Variants in FAM135B observed in about 807,000 individuals in gnomAD.
FAM135B encodes protein FAM135B.
Under a neutral mutation model 127.7 loss-of-function variants are expected in FAM135B, and 43 were observed. The observed-to-expected ratio is 0.34, with a 90% CI of 0.26 to 0.43. The LOEUF (loss-of-function observed/expected upper bound fraction) is 0.43. Among genes scored for constraint, FAM135B ranks in the 20% least tolerant of loss-of-function variants. The pLI, the probability that FAM135B is intolerant of heterozygous loss-of-function variation, is 1.00. For synonymous variants in FAM135B, 670 were observed against 665.1 expected (o/e 1.01, Z -0.11); for missense variants, 1,558 against 1,725.6 (o/e 0.90, Z 1.72).
rs1321285932 is a variant in FAM135B at position 138,250,834 on chromosome 8, T to A, written c.542+7A>T. 1.2e-6 allele frequency: 2 copies of A among 1,613,362 alleles called. No individual in the cohort carries two copies. The highest frequency in any genetic ancestry group is 2.7e-5 in the African/African-American group (2 of 74,874). On this transcript the variant is annotated splice_region_variant and intron_variant, in intron 6 of 19. Transcript: ENST00000395297. The stretch of plus-strand genomic sequence containing the variant: ...CCACATATCAGGGCTGCCTCTGAAC[T>A]TCATACCTGATCAATGGCTGCTGCA...
intron 3 of FAM135B, among the ~76,000 whole-genome samples, chr8:138,279,304 G>A (rs1012651427): frequency 6.6e-6 from 1 of 152,192 alleles, no homozygotes; most frequent in African/African-American, 2.4e-5. Flanking sequence ...CAGACTGTGG[G>A]CTTCTCCAAG....
chr8:138,184,475 G>C (rs1304589086), intron 9 of FAM135B, among the ~76,000 whole-genome samples: 1 of 152,182 alleles, frequency 6.6e-6, no homozygotes, highest in Non-Finnish European at 1.5e-5. Context: ...CCCATACGGG[G>C]CCTTGTGGTT....
Position 138,244,224 on chromosome 8 carries a change from G to A in FAM135B, c.543-1156C>T, listed in dbSNP as rs77814394. On this transcript the variant is annotated intron_variant, in intron 6 of 19. Transcript: ENST00000395297. Reference sequence around the variant, plus strand: ...TAAAGACATTTGTCTAAAGAGCAAAGGAAACCAATAGATGTAATACAATGC... The same window carrying A: ...TAAAGACATTTGTCTAAAGAGCAAAAGAAACCAATAGATGTAATACAATGC... Among the ~76,000 whole-genome samples, 415 of 152,232 alleles carry A rather than the reference G, an allele frequency of 2.7e-3. 1 individual carries two copies. Among genetic ancestry groups the A allele is most frequent in the African/African-American group, 9.2e-3 (380 of 41,524 alleles).
Position 138,441,380 on chromosome 8 carries a change from CCAA to C in FAM135B, c.-20+55288_-20+55290del, listed in dbSNP as rs747111122. On this transcript the variant is annotated intron_variant, in intron 1 of 19. Coordinates refer to ENST00000395297, the MANE Select transcript of FAM135B (RefSeq NM_015912.4). ...TATGAGGAAAGCCAAATTTGCACACCCAACAAGTCTCTTCTGTGAGCTTTAGGG... is the reference window on the plus strand; with the variant it reads ...TATGAGGAAAGCCAAATTTGCACACCCAAGTCTCTTCTGTGAGCTTTAGGG... 13 of 152,262 alleles carry C rather than the reference CCAA, an allele frequency of 8.5e-5. No homozygotes were observed. In the East Asian group the frequency reaches 9.7e-4, roughly 11 times the overall value. 9.4% of individuals were successfully genotyped at this position (152,262 alleles called of 1,614,324 possible).
intron 1 of FAM135B, among the ~76,000 whole-genome samples, chr8:138,388,027 A>G (rs908041076): frequency 6.6e-6 from 1 of 152,204 alleles, no homozygotes; most frequent in African/African-American, 2.4e-5. Context: ...ATCATTAGTC[A>G]TGAGGGGAAT....
chr8:138,460,678 A>G (rs1837069374), intron 1 of FAM135B, among the ~76,000 whole-genome samples: 1 of 151,738 alleles, frequency 6.6e-6, no homozygotes, highest in African/African-American at 2.4e-5. Context: ...ATGAAATAAA[A>G]GAATAAATAT....
chr8:138,291,666 C>A (rs1045165868), intron 3 of FAM135B, among the ~76,000 whole-genome samples: 1 of 152,024 alleles, frequency 6.6e-6, no homozygotes, highest in Admixed American at 6.6e-5. Flanking sequence ...TACAGCATAT[C>A]AACAGAATGA....
chr8:138,250,791 T>C (rs1413513463), intron 6 of FAM135B, 50 bp downstream of exon 6: 28 of 1,599,756 alleles, frequency 1.8e-5, no homozygotes, highest in Non-Finnish European at 2.3e-5. Context: ...CTACCACACC[T>C]GCAATGGAAG....
intron 16 of FAM135B, 186 bp downstream of exon 16, chr8:138,142,826 T>C (rs1817323773): frequency 1.9e-6 from 1 of 515,404 alleles, no homozygotes; most frequent in Non-Finnish European, 3.5e-6. Context: ...ACACAAACTA[T>C]GGCAGAGATG....
At chr8:138,417,400 C>T (rs1428855801) in intron 1 of FAM135B, among the ~76,000 whole-genome samples, 1 of 152,188 alleles carries the variant, frequency 6.6e-6, no homozygotes, top group East Asian at 1.9e-4. Flanking sequence ...GCAACCCTCT[C>T]CCCATGCTGC....
intron 1 of FAM135B, among the ~76,000 whole-genome samples, chr8:138,409,717 T>C (rs1158636704): frequency 6.6e-6 from 1 of 151,498 alleles, no homozygotes; most frequent in Non-Finnish European, 1.5e-5. Flanking sequence ...CCACTAAAAA[T>C]ACAAAAAATT....
At chr8:138,379,809 A>T (rs1831728156) in intron 1 of FAM135B, among the ~76,000 whole-genome samples, 1 of 152,152 alleles carries the variant, frequency 6.6e-6, no homozygotes, top group Non-Finnish European at 1.5e-5. Flanking sequence ...AATAGACATA[A>T]CTTGAGAGCA....
In FAM135B at chr8:138,144,729, C is replaced by A. The variant is rs185252772; in HGVS notation, c.3540+1230G>T. Among the ~76,000 whole-genome samples, 855 of 152,260 alleles carry A rather than the reference C, an allele frequency of 5.6e-3. 4 individuals are homozygous for A. Among genetic ancestry groups the A allele is most frequent in the South Asian group, 0.012 (57 of 4,818 alleles). ...TGCATAATCAGTACTGAGTGGCCAA[C>A]TCCTGCAATTAAGTGAATTGTGTAA... On this transcript the variant is annotated intron_variant, in intron 15 of 19. Coordinates refer to ENST00000395297, the MANE Select transcript of FAM135B (RefSeq NM_015912.4).
At chr8:138,413,061 T>A (rs1833949276) in intron 1 of FAM135B, among the ~76,000 whole-genome samples, 1 of 152,244 alleles carries the variant, frequency 6.6e-6, no homozygotes, top group Admixed American at 6.5e-5. Context: ...ACCGTATTCC[T>A]TTTAATTTGA....
chr8:138,444,922 G>A (rs536431264), intron 1 of FAM135B, among the ~76,000 whole-genome samples: 45 of 151,892 alleles, frequency 3.0e-4, no homozygotes, highest in African/African-American at 1.1e-3. Flanking sequence ...TAATAAAGAA[G>A]AAAAGAGAGA....
chr8:138,217,268 TA>T (rs1818618413), intron 7 of FAM135B, among the ~76,000 whole-genome samples: 1 of 152,138 alleles, frequency 6.6e-6, no homozygotes, highest in Non-Finnish European at 1.5e-5. Context: ...TACTTCTGGA[TA>T]GTCATATCTA....
intron 3 of FAM135B, among the ~76,000 whole-genome samples, chr8:138,277,173 C>G (rs570045269): frequency 1.4e-4 from 22 of 152,304 alleles, no homozygotes; most frequent in African/African-American, 5.3e-4. Context: ...CTCAGAGTGA[C>G]CTGAGCTCCT....
rs201979524 is a variant in FAM135B, at chr8:138,171,901, CAT to C, written c.1104-3854_1104-3853del. On this transcript the variant is annotated intron_variant, in intron 11 of 19. Transcript: ENST00000395297. ...GTTTTCCTGAGTGTATGCAAGTGCACATGTGTTTACATGGACATATCTGTGTT... is the reference window on the plus strand; with the variant it reads ...GTTTTCCTGAGTGTATGCAAGTGCACGTGTTTACATGGACATATCTGTGTT... Among the ~76,000 whole-genome samples the C allele has an allele frequency of 6.8e-3, 1,039 of 152,206 alleles. 9 individuals are homozygous for C. Among genetic ancestry groups the C allele is most frequent in the African/African-American group, 0.023 (945 of 41,542 alleles).
At chr8:138,208,286 TA>T (rs1410345487) in intron 7 of FAM135B, among the ~76,000 whole-genome samples, 4 of 152,094 alleles carry the variant, frequency 2.6e-5, no homozygotes, top group African/African-American at 9.7e-5. Flanking sequence ...TTCTAAAAAT[TA>T]AAAAAAGAAA....
Sources: allele counts gnomAD v4.1 joint callset (sites outside exome capture counted in the v4.1 genomes callset), GRCh38; gene constraint gnomAD v4.1.1; transcripts MANE v1.5; gene names NCBI Gene and HGNC (gene_info 2026-07-23, HGNC 2026-07-21).